Variants in SEMA6D observed in about 807,000 individuals in gnomAD.
The protein encoded by SEMA6D is semaphorin-6D.
In SEMA6D, 35 loss-of-function variants were observed where a neutral mutation model predicts 106.6. The ratio of observed to expected loss-of-function variants is 0.33; its 90% CI spans 0.25 to 0.44. SEMA6D has a LOEUF of 0.44. Ranked by LOEUF, SEMA6D falls within the 20% of genes least tolerant of loss-of-function variation. The probability of loss-of-function intolerance (pLI) is 1.00; values close to 1 mark genes in which losing one functional copy is unlikely to be tolerated. For synonymous variants in SEMA6D, 499 were observed against 487.7 expected (o/e 1.02, Z -0.31); for missense variants, 1,185 against 1,345.9 (o/e 0.88, Z 1.87).
intron 1 of SEMA6D, chr15:47,718,607 C>G (rs1318007291): frequency 1.3e-5 from 2 of 152,414 alleles, no homozygotes; most frequent in African/African-American, 4.8e-5. Flanking sequence ...TGTCTCCTCC[C>G]GGCCGCTCTA....
At chr15:47,765,379 T>TAC (rs149829192) in intron 13 of SEMA6D, 16 of 1,123,214 alleles carry the variant, frequency 1.4e-5, no homozygotes, top group African/African-American at 4.9e-5. Flanking sequence ...TGAGCTTGCA[T>TAC]ACACACACAC....
chr15:47,506,599 AACACACACACAC>A (rs61155774), intron 3 of SEMA6D, among the ~76,000 whole-genome samples: 105 of 137,894 alleles, frequency 7.6e-4, no homozygotes, highest in African/African-American at 2.9e-3. Flanking sequence ...CACACACACA[AACACACACACAC>A]ACACACACAC....
chr15:47,304,805 G>A (rs1209236080), intron 1 of SEMA6D, among the ~76,000 whole-genome samples: 1 of 152,136 alleles, frequency 6.6e-6, no homozygotes, highest in Non-Finnish European at 1.5e-5. Context: ...GGCTGCTGTG[G>A]TGACTAACAG....
chr15:47,607,130 A>G (rs1211811975), intron 4 of SEMA6D, among the ~76,000 whole-genome samples: 2 of 152,222 alleles, frequency 1.3e-5, no homozygotes, highest in African/African-American at 4.8e-5. Flanking sequence ...GGTGAAGGTG[A>G]GATCAAGGAT....
At chr15:47,392,466 G>A (rs1022647649) in intron 1 of SEMA6D, among the ~76,000 whole-genome samples, 12 of 151,912 alleles carry the variant, frequency 7.9e-5, no homozygotes, top group African/African-American at 2.2e-4. Flanking sequence ...CAGGGTCAGA[G>A]GCAGGGACAG....
chr15:47,415,363 C>T (rs1397316040), intron 2 of SEMA6D, among the ~76,000 whole-genome samples: 4 of 152,102 alleles, frequency 2.6e-5, no homozygotes, highest in African/African-American at 9.7e-5. Context: ...ACAATACAAT[C>T]CCTGTCAGTA....
chr15:47,520,412 A>G (rs1453271346), intron 3 of SEMA6D, among the ~76,000 whole-genome samples: 1 of 152,100 alleles, frequency 6.6e-6, no homozygotes, highest in Non-Finnish European at 1.5e-5. Context: ...TTTCTTCACC[A>G]CATCGCAATT....
At chr15:47,645,509 T>C (rs2077565351) in intron 4 of SEMA6D, among the ~76,000 whole-genome samples, 1 of 152,110 alleles carries the variant, frequency 6.6e-6, no homozygotes, top group East Asian at 1.9e-4. Flanking sequence ...TGGAGTTTTT[T>C]TTTTCTTCTT....
Position 47,274,025 on chromosome 15 carries a change from T to TA in SEMA6D, c.-239+89610dup, listed in dbSNP as rs374483417. 3.3e-5 allele frequency among the ~76,000 whole-genome samples: 5 copies of TA among 152,208 alleles called. No homozygotes were observed. The East Asian group carries it at 5.8e-4, about 18-fold the overall frequency. ...TTTGTAGAGCTTGGGGGTATGGACCTAAAGGCTTCAGAGAAACACAGCACA... is the reference window on the plus strand; with the variant it reads ...TTTGTAGAGCTTGGGGGTATGGACCTAAAAGGCTTCAGAGAAACACAGCACA... On this transcript the variant is annotated intron_variant, in intron 1 of 19. Transcript: ENST00000558014.
At chr15:47,422,180 G>GCCTGCCTGCCTTCCTTCCTT (rs1455030787) in intron 2 of SEMA6D, among the ~76,000 whole-genome samples, 3,311 of 112,770 alleles carry the variant, frequency 0.029, 115 homozygotes, top group Non-Finnish European at 0.038. Flanking sequence ...CCGCCTGCCT[G>GCCTGCCTGCCTTCCTTCCTT]CCTTCCTTCC....
chr15:47,440,734 G>A (rs888914100), intron 2 of SEMA6D, among the ~76,000 whole-genome samples: 3 of 152,058 alleles, frequency 2.0e-5, no homozygotes, highest in Admixed American at 1.3e-4. Context: ...TTTTGTGTTG[G>A]TCAATAAGAA....
intron 3 of SEMA6D, among the ~76,000 whole-genome samples, chr15:47,516,995 G>C (rs1190766246): frequency 6.6e-6 from 1 of 152,172 alleles, no homozygotes; most frequent in African/African-American, 2.4e-5. Context: ...TGAGTGCAGA[G>C]AGCTGCTTTC....
At chr15:47,623,310 G>T (rs1481610696) in intron 4 of SEMA6D, among the ~76,000 whole-genome samples, 1 of 152,118 alleles carries the variant, frequency 6.6e-6, no homozygotes, top group Non-Finnish European at 1.5e-5. Context: ...CCACACAACA[G>T]TGAACATTCA....
chr15:47,314,051 C>G (rs2143197179), intron 1 of SEMA6D, among the ~76,000 whole-genome samples: 1 of 152,238 alleles, frequency 6.6e-6, no homozygotes, highest in African/African-American at 2.4e-5. Context: ...TTTTTTATTT[C>G]CACTAGCAAT....
intron 3 of SEMA6D, among the ~76,000 whole-genome samples, chr15:47,521,735 C>T (rs966547360): frequency 6.6e-6 from 1 of 152,158 alleles, no homozygotes; most frequent in African/African-American, 2.4e-5. Context: ...CCTGTAATCC[C>T]AGCACTTTGG....
intron 3 of SEMA6D, among the ~76,000 whole-genome samples, chr15:47,510,672 C>T (rs556581232): frequency 6.6e-6 from 1 of 152,144 alleles, no homozygotes; most frequent in Non-Finnish European, 1.5e-5. Flanking sequence ...GTGTGAGGTG[C>T]AGCAGTAAGT....
At chr15:47,552,377 C>G (rs558183690) in intron 3 of SEMA6D, among the ~76,000 whole-genome samples, 1 of 151,812 alleles carries the variant, frequency 6.6e-6, no homozygotes, top group Non-Finnish European at 1.5e-5. Context: ...TGATATATTT[C>G]CTTTTCTATG....
At chr15:47,697,176 G>A (rs987792505) in intron 4 of SEMA6D, among the ~76,000 whole-genome samples, 1 of 152,164 alleles carries the variant, frequency 6.6e-6, no homozygotes, top group Non-Finnish European at 1.5e-5. Flanking sequence ...TCAGTAGGAA[G>A]GGCAAGGGCA....
At chr15:47,528,006 TATC>T (rs2044820851) in intron 3 of SEMA6D, among the ~76,000 whole-genome samples, 1 of 152,228 alleles carries the variant, frequency 6.6e-6, no homozygotes, top group Admixed American at 6.5e-5. Context: ...CAAAAGGTAG[TATC>T]ATTTTATTTC....
Sources: gnomAD v4.1 joint callset for allele counts (sites outside exome capture counted in the v4.1 genomes callset) on GRCh38, gnomAD v4.1.1 for gene constraint, MANE v1.5 for transcripts, NCBI Gene and HGNC (gene_info 2026-07-23, HGNC 2026-07-21) for gene names.